Variants in DAAM1 observed in about 807,000 individuals in gnomAD.
The protein encoded by DAAM1 is disheveled-associated activator of morphogenesis 1.
A neutral mutation model predicts 130.0 loss-of-function variants in DAAM1; 52 were observed. The observed-to-expected ratio is 0.40, with a 90% CI of 0.32 to 0.50. The LOEUF (loss-of-function observed/expected upper bound fraction) is 0.50. Among genes scored for constraint, DAAM1 ranks in the 20% least tolerant of loss-of-function variants. The probability of loss-of-function intolerance (pLI) is 0.61; values close to 1 mark genes in which losing one functional copy is unlikely to be tolerated. For missense variants in DAAM1, 1,134 were observed against 1,303.8 expected (o/e 0.87, Z 2.01); for synonymous variants, 452 against 444.5 (o/e 1.02, Z -0.21).
At chr14:59,320,619 T>C (rs761032252) in intron 5 of DAAM1, 35 bp downstream of exon 5, 1 of 1,450,042 alleles carries the variant, frequency 6.9e-7, no homozygotes, top group Non-Finnish European at 9.3e-7. Flanking sequence ...TTTTTTTTTT[T>C]CTCTCCTTCC....
At chr14:59,295,520 G>A (rs891817758) in intron 3 of DAAM1, among the ~76,000 whole-genome samples, 1 of 152,144 alleles carries the variant, frequency 6.6e-6, no homozygotes, top group African/African-American at 2.4e-5. Context: ...TCCACCACAC[G>A]TACAAAAAGA....
intron 1 of DAAM1, among the ~76,000 whole-genome samples, chr14:59,215,249 A>G (rs1287321900): frequency 6.6e-6 from 1 of 152,226 alleles, no homozygotes; most frequent in Non-Finnish European, 1.5e-5. Context: ...GAGAGAAAAA[A>G]GAAATATGTC....
At chr14:59,265,038 T>C (rs1277019113) in intron 2 of DAAM1, 1 of 152,248 alleles carries the variant, frequency 6.6e-6, no homozygotes, top group East Asian at 1.9e-4. Flanking sequence ...GGACCATTTA[T>C]ATTGTTCAAC....
chr14:59,205,937 G>A (rs900002490), intron 1 of DAAM1, among the ~76,000 whole-genome samples: 1 of 152,022 alleles, frequency 6.6e-6, no homozygotes, highest in Non-Finnish European at 1.5e-5. Flanking sequence ...TTTGAGACAG[G>A]GTCCAGGGTA....
At chr14:59,252,573 C>T (rs1366069910) in intron 1 of DAAM1, among the ~76,000 whole-genome samples, 6 of 152,154 alleles carry the variant, frequency 3.9e-5, no homozygotes, top group Admixed American at 3.9e-4. Context: ...ATGACAACTG[C>T]CCTATAGAGA....
At chr14:59,305,613 C>T (rs1350300738) in intron 3 of DAAM1, among the ~76,000 whole-genome samples, 5 of 152,158 alleles carry the variant, frequency 3.3e-5, no homozygotes, top group South Asian at 2.1e-4. Flanking sequence ...TCCCCCACAT[C>T]CCCTCTAACC....
rs1885388274 is a variant in DAAM1 at position 59,330,563 on chromosome 14, GA to G, written c.1436del (p.Glu479GlyfsTer5). On this transcript the variant is annotated frameshift_variant, in exon 13 of 25. Transcript: ENST00000360909. LOFTEE classifies it high-confidence loss of function. The part of the protein sequence containing the change: ...KERECDAKTQ[E>X]KEEMMQTLNK... ...ACGAGAATGTGATGCTAAGACTCAA[GA>G]GAAGGAAGAGATGATGCAGACCTTA... 1 of 1,613,976 alleles carries G rather than the reference GA, an allele frequency of 6.2e-7. No homozygotes were observed.
At chr14:59,251,112 A>G (rs925601416) in intron 1 of DAAM1, among the ~76,000 whole-genome samples, 3 of 152,232 alleles carry the variant, frequency 2.0e-5, no homozygotes, top group African/African-American at 7.2e-5. Flanking sequence ...ATGAGACAAC[A>G]TTTATTAAAA....
chr14:59,274,971 T>A (rs986753943), intron 2 of DAAM1, among the ~76,000 whole-genome samples: 6 of 152,238 alleles, frequency 3.9e-5, no homozygotes, highest in African/African-American at 1.4e-4. Flanking sequence ...AGCTCCAATG[T>A]GGGAAGACTT....
intron 1 of DAAM1, among the ~76,000 whole-genome samples, chr14:59,200,828 G>A (rs1888074493): frequency 6.6e-6 from 1 of 152,164 alleles, no homozygotes; most frequent in Non-Finnish European, 1.5e-5. Flanking sequence ...TGCTGACTCA[G>A]TAGATGTGGA....
chr14:59,225,673 T>G (rs1307470405), intron 1 of DAAM1, among the ~76,000 whole-genome samples: 3 of 151,026 alleles, frequency 2.0e-5, no homozygotes, highest in Non-Finnish European at 4.4e-5. Context: ...CTCACAGAGA[T>G]CTGGCGGACA....
At chr14:59,213,919 C>T (rs981921941) in intron 1 of DAAM1, among the ~76,000 whole-genome samples, 5 of 152,182 alleles carry the variant, frequency 3.3e-5, no homozygotes, top group Non-Finnish European at 7.3e-5. Flanking sequence ...CTGGATTTCA[C>T]CATCTATCAA....
chr14:59,315,311 G>C lies in DAAM1; in HGVS notation c.305G>C (p.Trp102Ser), dbSNP rs1193969863. The C allele has an allele frequency of 6.2e-7, 1 of 1,613,994 alleles. No homozygotes were observed. ...GAAGAAAACAAGGGAGCTACAAGTT[G>C]GCCTGAATTCTACATTGATCAGCTC... ...DQEENKGATSWPEFYIDQLNS... is the reference protein window; with the variant it reads ...DQEENKGATSSPEFYIDQLNS... The change falls in exon 4 of 25, where the codon TGG (tryptophan) becomes TCG (serine). Residue 102 changes from tryptophan to serine, a missense_variant. Around this residue, in one of 3 missense-constraint regions of DAAM1, gnomAD observed 391 missense variants for 521.6 expected, o/e 0.75. Coordinates refer to ENST00000360909, the MANE Select transcript of DAAM1 (RefSeq NM_001270520.2).
At chr14:59,294,564 ATT>A (rs34245569) in intron 3 of DAAM1, among the ~76,000 whole-genome samples, 14 of 146,348 alleles carry the variant, frequency 9.6e-5, no homozygotes, top group African/African-American at 1.0e-4. Flanking sequence ...ATCCACTGTC[ATT>A]TTTTTTTTTT....
rs762593718 is a variant in DAAM1, at chr14:59,263,679, T to A, written c.183+19T>A. On this transcript the variant is annotated intron_variant, in intron 2 of 24. Transcript: ENST00000360909. The stretch of plus-strand genomic sequence containing the variant: ...ACTGGTGGTGAGTCCCAGTTTTCTA[T>A]CCTGGCATTGGTGGGGAGCCAGAGA... 2.5e-6 allele frequency: 4 copies of A among 1,612,052 alleles called. No homozygotes were observed. The highest frequency in any genetic ancestry group is 3.4e-6 in the Non-Finnish European group (4 of 1,179,454).
intron 2 of DAAM1, 142 bp from the exon 3 acceptor site, chr14:59,291,075 A>G: frequency 1.4e-6 from 1 of 696,228 alleles, no homozygotes; most frequent in Non-Finnish European, 2.3e-6. Context: ...AAACATACCT[A>G]ACTTAGCTTC....
At chr14:59,235,980 G>C (rs557509116) in intron 1 of DAAM1, among the ~76,000 whole-genome samples, 1 of 152,094 alleles carries the variant, frequency 6.6e-6, no homozygotes, top group South Asian at 2.1e-4. Context: ...AAATAGACTT[G>C]ATATGCTTAA....
At chr14:59,227,265 T>G (rs8022464) in intron 1 of DAAM1, among the ~76,000 whole-genome samples, 9,482 of 152,218 alleles carry the variant, frequency 0.062, 975 homozygotes, top group African/African-American at 0.22. Context: ...ACAAGGATGG[T>G]GTGGTGTACC....
At position 59,215,325 on chromosome 14, in the gene DAAM1, A is replaced by G. The variant is rs188366189; in HGVS notation, c.-38+26557A>G. ...GGACCCCTGAGTTATTAACAATTCC[A>G]TGGGAACATGTGCTTGGTGTATGCC... is the stretch of plus-strand genomic sequence containing the variant. On this transcript the variant is annotated intron_variant, in intron 1 of 24. Transcript: ENST00000360909. 1.1e-4 allele frequency among the ~76,000 whole-genome samples: 16 copies of G among 152,364 alleles called. No individual in the cohort carries two copies. In the East Asian group the frequency reaches 2.7e-3, roughly 26 times the overall value.
Sources: gnomAD v4.1 joint callset for allele counts (sites outside exome capture counted in the v4.1 genomes callset) on GRCh38, gnomAD v4.1.1 for gene constraint, gnomAD v4.1.1 regional missense constraint, MANE v1.5 for transcripts, NCBI Gene and HGNC (gene_info 2026-07-23, HGNC 2026-07-21) for gene names.